ARHGAP17: variants seen among roughly 807,000 people sequenced by gnomAD.
ARHGAP17 encodes Rho GTPase activating protein 17, also known as rho GTPase-activating protein 17.
ARHGAP17 carries 57 observed loss-of-function variants against 99.5 expected under a neutral mutation model. The ratio of observed to expected loss-of-function variants is 0.57; its 90% CI spans 0.46 to 0.71. ARHGAP17 has a LOEUF of 0.71. ARHGAP17 is among the 30% of genes least tolerant of loss of function. ARHGAP17 has a pLI of 0.00. For missense variants in ARHGAP17, 1,000 were observed against 1,122.4 expected, an observed-to-expected ratio of 0.89 and a Z score of 1.56; for synonymous variants, 417 against 429.6, an observed-to-expected ratio of 0.97 and a Z score of 0.36.
At chr16:24,986,184 A>G (rs1168432515) in intron 1 of ARHGAP17, among the ~76,000 whole-genome samples, 1 of 152,222 alleles carries the variant, frequency 6.6e-6, no homozygotes, top group African/African-American at 2.4e-5. Flanking sequence ...TATGCCCCAG[A>G]CACTGGGCTG....
chr16:24,971,155 C>A lies in ARHGAP17; in HGVS notation c.199-575G>T, dbSNP rs560373804. On this transcript the variant is annotated intron_variant, in intron 3 of 19. Coordinates refer to ENST00000289968, the MANE Select transcript of ARHGAP17 (RefSeq NM_001006634.3). ...AAAGTGTTGGGATTACAGGCATGAACCATCACGCCCAGCCTGTTCATATTA... is the reference window on the plus strand; with the variant it reads ...AAAGTGTTGGGATTACAGGCATGAAACATCACGCCCAGCCTGTTCATATTA... Among the ~76,000 whole-genome samples the A allele has an allele frequency of 2.6e-5, 4 of 152,192 alleles. No homozygotes were observed. In the South Asian group the frequency reaches 8.3e-4, roughly 32 times the overall value.
intron 1 of ARHGAP17, among the ~76,000 whole-genome samples, chr16:24,985,819 T>C (rs2052848657): frequency 6.6e-6 from 1 of 151,686 alleles, no homozygotes; most frequent in Non-Finnish European, 1.5e-5. Flanking sequence ...TACACACACA[T>C]ACGTACACAC....
chr16:24,948,946 C>T (rs1014286564), intron 13 of ARHGAP17: 2 of 152,140 alleles, frequency 1.3e-5, no homozygotes, highest in Non-Finnish European at 2.9e-5. Context: ...TTTCTTAAAA[C>T]CACAGTTATT....
In ARHGAP17 at chr16:24,954,740, C is replaced by G; in HGVS notation, c.725-10G>C. On this transcript the variant is annotated splice_polypyrimidine_tract_variant and intron_variant, in intron 9 of 19. Coordinates refer to ENST00000289968, the MANE Select transcript of ARHGAP17 (RefSeq NM_001006634.3). The stretch of plus-strand genomic sequence containing the variant: ...TTTTCCGCCCACTTATCTAGAGCAG[C>G]AAATTGTTCAGTTAGACACCCAACA... The G allele has an allele frequency of 5.0e-6, 8 of 1,613,248 alleles. No individual in the cohort carries two copies. The highest frequency in any genetic ancestry group is 6.8e-6 in the Non-Finnish European group (8 of 1,179,560).
At chr16:24,969,262 C>A (rs2052288004) in intron 4 of ARHGAP17, among the ~76,000 whole-genome samples, 1 of 152,162 alleles carries the variant, frequency 6.6e-6, no homozygotes, top group Admixed American at 6.5e-5. Context: ...CAGCTGATAT[C>A]ATACAAAGTA....
intron 3 of ARHGAP17, among the ~76,000 whole-genome samples, chr16:24,972,937 A>ATT (rs11335814): frequency 1.9e-4 from 28 of 147,436 alleles, no homozygotes; most frequent in African/African-American, 6.7e-4. Flanking sequence ...ATCAGGGATA[A>ATT]TTTTTTTTTT....
chr16:24,939,389 G>C lies in ARHGAP17; in HGVS notation c.1699C>G (p.Gln567Glu). The change falls in exon 17 of 20, where the codon CAG (glutamine) becomes GAG (glutamate). Residue 567 changes from glutamine (Q) to glutamate (E), a missense_variant. Coordinates refer to ENST00000289968, the MANE Select transcript of ARHGAP17 (RefSeq NM_001006634.3). ...CTGCCGTCGCCTGGGCTCGGCCCCT[G>C]CTCCAGTATGCCCGCGGAAGAGGGG... ...TVPSSAGILE[Q>E]GPSPGDGSPP... 2.5e-6 allele frequency: 4 copies of C among 1,608,886 alleles called. No homozygotes were observed. The highest frequency in any genetic ancestry group is 2.5e-6 in the Non-Finnish European group (3 of 1,179,630).
At chr16:24,988,662 T>C (rs993917855) in intron 1 of ARHGAP17, among the ~76,000 whole-genome samples, 1 of 152,248 alleles carries the variant, frequency 6.6e-6, no homozygotes, top group African/African-American at 2.4e-5. Flanking sequence ...ATCGTTTTCC[T>C]GCACATGTAA....
At chr16:24,933,410 G>A (rs1451939131) in intron 18 of ARHGAP17, among the ~76,000 whole-genome samples, 1 of 151,860 alleles carries the variant, frequency 6.6e-6, no homozygotes, top group Non-Finnish European at 1.5e-5. Flanking sequence ...TGAGTCCAGT[G>A]GCTGGAGGAT....
intron 14 of ARHGAP17, among the ~76,000 whole-genome samples, chr16:24,946,077 C>T (rs1379025912): frequency 6.6e-6 from 1 of 152,178 alleles, no homozygotes; most frequent in Non-Finnish European, 1.5e-5. Context: ...ATGCCATCCA[C>T]AGAGTGACAA....
At chr16:24,932,296 T>C (rs536929717) in intron 18 of ARHGAP17, among the ~76,000 whole-genome samples, 14 of 152,180 alleles carry the variant, frequency 9.2e-5, no homozygotes, top group African/African-American at 1.4e-4. Flanking sequence ...CAAACAAGTT[T>C]ATTTTAAAAA....
At chr16:24,934,142 G>T (rs146030572) in intron 18 of ARHGAP17, among the ~76,000 whole-genome samples, 2 of 152,282 alleles carry the variant, frequency 1.3e-5, no homozygotes, top group East Asian at 3.9e-4. Flanking sequence ...TCTATAGACA[G>T]ACACAGTGAA....
At chr16:24,965,473 TCAAA>T (rs767439872) in intron 6 of ARHGAP17, among the ~76,000 whole-genome samples, 21 of 152,174 alleles carry the variant, frequency 1.4e-4, no homozygotes, top group Middle Eastern at 6.8e-3. Flanking sequence ...AGACCCTGTC[TCAAA>T]CAAACAAACA....
At chr16:24,993,744 T>C (rs536125800) in intron 1 of ARHGAP17, among the ~76,000 whole-genome samples, 50 of 152,216 alleles carry the variant, frequency 3.3e-4, no homozygotes, top group Non-Finnish European at 5.6e-4. Flanking sequence ...TTCGAGGCCA[T>C]GGACCAAAGT....
At chr16:24,986,569 G>GC (rs1305532767) in intron 1 of ARHGAP17, among the ~76,000 whole-genome samples, 2 of 152,196 alleles carry the variant, frequency 1.3e-5, no homozygotes, top group African/African-American at 4.8e-5. Flanking sequence ...CTGGAACACA[G>GC]CCAGGCTCAT....
intron 1 of ARHGAP17, among the ~76,000 whole-genome samples, chr16:25,010,373 C>A (rs980186523): frequency 6.6e-6 from 1 of 152,200 alleles, no homozygotes; most frequent in African/African-American, 2.4e-5. Context: ...CCCACCCCAC[C>A]CAGCCAGGTT....
At chr16:25,014,783 C>A (rs2053738616) in intron 1 of ARHGAP17, among the ~76,000 whole-genome samples, 1 of 152,242 alleles carries the variant, frequency 6.6e-6, no homozygotes. Context: ...CCTGGGACTG[C>A]CGCCCCCCAC....
At chr16:24,929,733 AAAAAAGTTATTAACC>A in intron 19 of ARHGAP17, 1 of 849,384 alleles carries the variant, frequency 1.2e-6, no homozygotes, top group Non-Finnish European at 1.4e-6. Flanking sequence ...TGGCATCAGA[AAAAAAGTTATTAACC>A]ATTTATAACA....
intron 19 of ARHGAP17, among the ~76,000 whole-genome samples, chr16:24,922,466 G>C (rs745387464): frequency 6.6e-6 from 1 of 152,016 alleles, no homozygotes; most frequent in African/African-American, 2.4e-5. Context: ...TAATTCAAGG[G>C]GAAAAAATGT....
Sources: allele counts gnomAD v4.1 joint callset (sites outside exome capture counted in the v4.1 genomes callset), GRCh38; gene constraint gnomAD v4.1.1; transcripts MANE v1.5; gene names NCBI Gene and HGNC (gene_info 2026-07-23, HGNC 2026-07-21).